FBXW11: variants seen among roughly 807,000 people sequenced by gnomAD.
FBXW11 encodes F-box and WD repeat domain containing 11.
Under a neutral mutation model 77.6 loss-of-function variants are expected in FBXW11, and 19 were observed. That is an observed-to-expected ratio of 0.24 (90% CI 0.17 to 0.36). The LOEUF (loss-of-function observed/expected upper bound fraction) is 0.36. Ranked by LOEUF, FBXW11 falls within the 10% of genes least tolerant of loss-of-function variation. FBXW11 has a pLI of 1.00. For synonymous variants in FBXW11, 235 were observed against 249.4 expected (o/e 0.94, Z 0.54); for missense variants, 334 against 704.2 (o/e 0.47, Z 5.95).
At chr5:171,900,946 T>A (rs1760076406) in intron 4 of FBXW11, among the ~76,000 whole-genome samples, 1 of 152,138 alleles carries the variant, frequency 6.6e-6, no homozygotes, top group Non-Finnish European at 1.5e-5. Flanking sequence ...TAAACTCCCA[T>A]CCTGTGGCGG....
chr5:171,876,386 T>C lies in FBXW11; in HGVS notation c.1120A>G (p.Ile374Val). ...CCAACCAGGACACGGCGTAAAGTGA[T>C]GTCGGTCGCAGAAGCCATGTCCCAC... ...AVWDMASATD[I>V]TLRRVLVGHR... The change falls in exon 9 of 14, where the codon ATC (isoleucine) becomes GTC (valine). Residue 374 changes from isoleucine (I) to valine (V), a missense_variant. Physicochemically the swap from Ile to Val is conservative, Grantham distance 29. Coordinates refer to ENST00000517395, the MANE Select transcript of FBXW11 (RefSeq NM_001378974.1). This position sits in a 1 kb window ranked among gnomAD's most constrained non-coding sequence, Gnocchi z 4.2. 1.9e-6 allele frequency: 3 copies of C among 1,614,112 alleles called. No individual in the cohort carries two copies. Among genetic ancestry groups the C allele is most frequent in the Non-Finnish European group, 2.5e-6 (3 of 1,179,996 alleles).
intron 1 of FBXW11, among the ~76,000 whole-genome samples, chr5:171,987,956 C>T (rs1765534172): frequency 6.6e-6 from 1 of 152,092 alleles, no homozygotes; most frequent in African/African-American, 2.4e-5. Flanking sequence ...AGAGTACATG[C>T]TCAATAATGA....
Position 172,006,580 on chromosome 5 carries a change from G to A in FBXW11, c.-78C>T. 7.0e-7 allele frequency: 1 copy of A among 1,419,828 alleles called. No homozygotes were observed. Among genetic ancestry groups the A allele is most frequent in the Non-Finnish European group, 9.2e-7 (1 of 1,084,654 alleles). 88.0% of individuals were successfully genotyped at this position (1,419,828 alleles called of 1,614,324 possible). On this transcript the variant is annotated 5_prime_UTR_variant, in exon 1 of 14. Coordinates refer to ENST00000517395, the MANE Select transcript of FBXW11 (RefSeq NM_001378974.1). ...GGCGGAGGAGGCGACGGCGGAGGCG[G>A]CAGAGGCGGAGGCGGCTATCGCACC...
intron 5 of FBXW11, 110 bp from the exon 6 acceptor site, chr5:171,899,204 AGTTTTAACAGTTCAAAAGCAG>A: frequency 1.5e-6 from 1 of 682,554 alleles, no homozygotes; most frequent in Non-Finnish European, 2.4e-6. Flanking sequence ...ATTTGCATTG[AGTTTTAACAGTTCAAAAGCAG>A]GATTTCTGAC....
At chr5:172,006,081 G>A (rs1168186921) in intron 1 of FBXW11, among the ~76,000 whole-genome samples, 1 of 152,176 alleles carries the variant, frequency 6.6e-6, no homozygotes, top group African/African-American at 2.4e-5. Flanking sequence ...TTGCAAGCGC[G>A]GTGCGGGCCT....
At chr5:171,889,643 T>G (rs1759176293) in intron 7 of FBXW11, among the ~76,000 whole-genome samples, 1 of 151,978 alleles carries the variant, frequency 6.6e-6, no homozygotes, top group Admixed American at 6.6e-5. Context: ...TCGGGGCACT[T>G]TGGGAGGCCG....
At chr5:171,965,970 C>T (rs1764165775) in intron 1 of FBXW11, among the ~76,000 whole-genome samples, 1 of 152,092 alleles carries the variant, frequency 6.6e-6, no homozygotes, top group Non-Finnish European at 1.5e-5. Flanking sequence ...ATGTGTGGAA[C>T]TTCCCCCTTC....
intron 1 of FBXW11, among the ~76,000 whole-genome samples, chr5:171,964,296 T>A (rs1309280351): frequency 6.6e-6 from 1 of 152,220 alleles, no homozygotes; most frequent in African/African-American, 2.4e-5. Flanking sequence ...ATGATAATGA[T>A]GAAGAAGAGA....
chr5:171,920,073 G>C (rs1761498553), intron 2 of FBXW11, among the ~76,000 whole-genome samples: 1 of 152,094 alleles, frequency 6.6e-6, no homozygotes, highest in South Asian at 2.1e-4. Flanking sequence ...TGAGGCAGAA[G>C]AATCTCTTGA....
At chr5:171,971,755 G>A (rs1450127903) in intron 1 of FBXW11, among the ~76,000 whole-genome samples, 1 of 152,200 alleles carries the variant, frequency 6.6e-6, no homozygotes, top group Non-Finnish European at 1.5e-5. Context: ...GGCCAAGGAG[G>A]GTGGACTGCT....
chr5:171,975,246 G>C (rs1764763399), intron 1 of FBXW11, among the ~76,000 whole-genome samples: 1 of 152,194 alleles, frequency 6.6e-6, no homozygotes, highest in Non-Finnish European at 1.5e-5. Context: ...CAACAAAGAA[G>C]CCATATGCCA....
intron 6 of FBXW11, among the ~76,000 whole-genome samples, chr5:171,893,421 CAAAAAAAA>C (rs397999920): frequency 0.048 from 1,924 of 39,930 alleles, 80 homozygotes; most frequent in Middle Eastern, 0.25. Flanking sequence ...ACTTCAAAAC[CAAAAAAAA>C]AAAAAAAAAA....
In FBXW11 at chr5:172,006,377, C is replaced by T. The variant is rs1581111715; in HGVS notation, c.45+81G>A. On this transcript the variant is annotated intron_variant, in intron 1 of 13. Transcript: ENST00000517395. The stretch of plus-strand genomic sequence containing the variant: ...GCGTCTGGGAAGGGCCAGAGCCGGC[C>T]TCGCACCGGACGTTGAGGTGGGCAG... The T allele has an allele frequency of 2.3e-6, 3 of 1,305,954 alleles. No individual in the cohort carries two copies. In the East Asian group the frequency reaches 8.6e-5, roughly 37 times the overall value. The allele number at this position is 1,305,954 out of a possible 1,614,324, so 80.9% of individuals were successfully genotyped here.
intron 3 of FBXW11, among the ~76,000 whole-genome samples, chr5:171,913,612 C>G (rs760369214): frequency 6.6e-6 from 1 of 152,166 alleles, no homozygotes; most frequent in South Asian, 2.1e-4. Context: ...GTTGGATGCA[C>G]TTTGTTCCTG....
At chr5:171,894,233 C>A (rs896750529) in intron 6 of FBXW11, among the ~76,000 whole-genome samples, 3 of 152,164 alleles carry the variant, frequency 2.0e-5, no homozygotes, top group African/African-American at 7.2e-5. Context: ...CTATCCCCAA[C>A]CCTCAAGTAA....
intron 2 of FBXW11, among the ~76,000 whole-genome samples, chr5:171,945,646 T>C (rs1215442915): frequency 6.6e-6 from 1 of 152,256 alleles, no homozygotes; most frequent in African/African-American, 2.4e-5. Flanking sequence ...TATATACTAA[T>C]GGTTCTCTGC....
chr5:171,944,572 C>CT (rs1762911926), intron 2 of FBXW11, among the ~76,000 whole-genome samples: 1 of 45,632 alleles, frequency 2.2e-5, no homozygotes, highest in Non-Finnish European at 4.7e-5. Context: ...GAGACTCCAT[C>CT]TCAAAAAAAA....
chr5:171,893,005 C>A (rs1362855874), intron 6 of FBXW11, among the ~76,000 whole-genome samples: 1 of 152,170 alleles, frequency 6.6e-6, no homozygotes, highest in African/African-American at 2.4e-5. Flanking sequence ...CTGAAAGCTA[C>A]ATGCCAGGCA....
intron 2 of FBXW11, among the ~76,000 whole-genome samples, chr5:171,934,198 G>C (rs1762359585): frequency 6.6e-6 from 1 of 152,190 alleles, no homozygotes; most frequent in Non-Finnish European, 1.5e-5. Flanking sequence ...AAACAGGCAT[G>C]TGATGTTACT....
Sources: allele counts gnomAD v4.1 joint callset (sites outside exome capture counted in the v4.1 genomes callset), GRCh38; gene constraint gnomAD v4.1.1; non-coding constraint Gnocchi (gnomAD v3.1); transcripts MANE v1.5; gene names NCBI Gene and HGNC (gene_info 2026-07-23, HGNC 2026-07-21).